Variants in RANBP2 observed in about 807,000 individuals in gnomAD.
The protein encoded by RANBP2 is RAN binding protein 2.
A neutral mutation model predicts 303.6 loss-of-function variants in RANBP2; 57 were observed. That is an observed-to-expected ratio of 0.19 (90% CI 0.15 to 0.23). The LOEUF is 0.23. Among genes scored for constraint, RANBP2 ranks in the 10% least tolerant of loss-of-function variants. The pLI is 1.00. For missense variants in RANBP2, 3,138 were observed against 3,780.8 expected (o/e 0.83, Z 4.46); for synonymous variants, 1,167 against 1,301.5 (o/e 0.90, Z 2.23).
chr2:108,747,880 C>A (rs1047035554), intron 8 of RANBP2, among the ~76,000 whole-genome samples: 1 of 152,178 alleles, frequency 6.6e-6, no homozygotes, highest in Admixed American at 6.5e-5. Flanking sequence ...TAGAGTATTA[C>A]CACTGTCACC....
the RANBP2 span, among the ~76,000 whole-genome samples, chr2:109,471,233 A>C: frequency 1.3e-5 from 2 of 149,312 alleles, no homozygotes; most frequent in Non-Finnish European, 3.0e-5. Flanking sequence ...AAAAAAAAAG[A>C]AATTAATACC....
chr2:109,011,427 T>C, the RANBP2 span, among the ~76,000 whole-genome samples: 3 of 152,236 alleles, frequency 2.0e-5, no homozygotes, highest in African/African-American at 7.2e-5. Flanking sequence ...TCCTGATTCC[T>C]GGTCTTTGTA....
At chr2:108,927,572 A>T in the RANBP2 span, among the ~76,000 whole-genome samples, 1 of 152,210 alleles carries the variant, frequency 6.6e-6, no homozygotes, top group African/African-American at 2.4e-5. Context: ...GGCCAGAGCC[A>T]GCAGCATAGG....
At chr2:109,283,324 C>T in the RANBP2 span, among the ~76,000 whole-genome samples, 2 of 152,210 alleles carry the variant, frequency 1.3e-5, no homozygotes, top group African/African-American at 4.8e-5. Flanking sequence ...GACACCTGCT[C>T]CCCTGCTCCT....
the RANBP2 span, among the ~76,000 whole-genome samples, chr2:108,862,631 A>C: frequency 1.3e-4 from 20 of 152,384 alleles, 1 homozygote; most frequent in East Asian, 3.9e-3. Context: ...CAATGTTTAC[A>C]TACTACATGA....
the RANBP2 span, among the ~76,000 whole-genome samples, chr2:109,042,590 A>G: frequency 6.6e-6 from 1 of 152,132 alleles, no homozygotes; most frequent in Non-Finnish European, 1.5e-5. Context: ...CTAAAGGCCA[A>G]ACTCCCTAAC....
the RANBP2 span, among the ~76,000 whole-genome samples, chr2:109,708,250 G>A: frequency 2.0e-4 from 31 of 151,932 alleles, no homozygotes; most frequent in Admixed American, 2.0e-3. Flanking sequence ...GCTGGGCATG[G>A]TGGCACACGC....
At chr2:108,804,946 A>G in the RANBP2 span, 1 of 1,580,250 alleles carries the variant, frequency 6.3e-7, no homozygotes, top group Non-Finnish European at 8.6e-7. Flanking sequence ...GAATAAAGAA[A>G]CCAAGAGACT....
At position 108,741,415 on chromosome 2, in the gene RANBP2, C is replaced by T. The variant is rs112026683; in HGVS notation, c.975+734C>T. ...GTTTCACCATGTTGGCCAGGATGGT[C>T]GCCATCTCTTGACCTCGTGATCTGC... is the stretch of plus-strand genomic sequence containing the variant. On this transcript the variant is annotated intron_variant, in intron 7 of 28. Coordinates refer to ENST00000283195, the MANE Select transcript of RANBP2 (RefSeq NM_006267.5). 8.9e-3 allele frequency among the ~76,000 whole-genome samples: 1,331 copies of T among 149,046 alleles called. 24 individuals are homozygous for T. Among genetic ancestry groups the T allele is most frequent in the African/African-American group, 0.03 (1,222 of 40,680 alleles).
intron 4 of RANBP2, chr2:108,731,823 A>T (rs1332240649): frequency 4.4e-6 from 1 of 229,844 alleles, no homozygotes; most frequent in Non-Finnish European, 8.7e-6. Flanking sequence ...CAATTTAGGG[A>T]TATTTTAAAG....
the RANBP2 span, among the ~76,000 whole-genome samples, chr2:108,947,282 A>G: frequency 6.6e-6 from 1 of 152,158 alleles, no homozygotes; most frequent in Non-Finnish European, 1.5e-5. Flanking sequence ...TCTGCAGGGT[A>G]CAGCTCCTGT....
At position 108,719,496 on chromosome 2, in the gene RANBP2, C is replaced by G; in HGVS notation, c.-111C>G. On this transcript the variant is annotated 5_prime_UTR_variant, in exon 1 of 29. Transcript: ENST00000283195. ...GCAAGTTCGTCACAGTGGTCCTCCG[C>G]CGGCTACGGCGCTGCGTCACTGGTT... 1.3e-6 allele frequency: 2 copies of G among 1,516,140 alleles called. No homozygotes were observed. The highest frequency in any genetic ancestry group is 1.8e-6 in the Non-Finnish European group (2 of 1,125,912). The allele number at this position is 1,516,140 out of a possible 1,614,324, so 93.9% of individuals were successfully genotyped here.
the RANBP2 span, chr2:109,615,228 G>C: frequency 6.5e-7 from 1 of 1,546,056 alleles, no homozygotes. Flanking sequence ...CAGCGCATCG[G>C]TGGCCTCGTC....
At chr2:109,148,911 A>C in the RANBP2 span, among the ~76,000 whole-genome samples, 5 of 152,014 alleles carry the variant, frequency 3.3e-5, no homozygotes, top group African/African-American at 1.2e-4. Context: ...GGTTTTACCC[A>C]AAAAAAATCA....
the RANBP2 span, among the ~76,000 whole-genome samples, chr2:109,352,323 A>G: frequency 1.8e-4 from 28 of 152,316 alleles, 1 homozygote; most frequent in South Asian, 5.2e-3. Flanking sequence ...GACAGACTGC[A>G]TGGAGAATGA....
the RANBP2 span, chr2:109,667,094 T>C: frequency 1.1e-6 from 1 of 880,072 alleles, no homozygotes; most frequent in East Asian, 2.7e-5. Flanking sequence ...TAGATCATAA[T>C]CTAAATATAT....
the RANBP2 span, among the ~76,000 whole-genome samples, chr2:108,901,619 T>C: frequency 1.3e-5 from 2 of 152,102 alleles, no homozygotes; most frequent in Non-Finnish European, 2.9e-5. Context: ...GCAGGAGATA[T>C]CACTATACAC....
At chr2:109,080,237 C>A in the RANBP2 span, among the ~76,000 whole-genome samples, 1 of 152,106 alleles carries the variant, frequency 6.6e-6, no homozygotes, top group Admixed American at 6.5e-5. Flanking sequence ...ATTCTGGTTT[C>A]CAGGGCGTGT....
the RANBP2 span, among the ~76,000 whole-genome samples, chr2:109,626,267 G>C: frequency 6.6e-6 from 1 of 151,962 alleles, no homozygotes; most frequent in African/African-American, 2.4e-5. Flanking sequence ...ATCATTTGAG[G>C]TCTGGAGTTT....
Sources: allele counts gnomAD v4.1 joint callset (sites outside exome capture counted in the v4.1 genomes callset), GRCh38; gene constraint gnomAD v4.1.1; transcripts MANE v1.5; gene names NCBI Gene and HGNC (gene_info 2026-07-23, HGNC 2026-07-21).